The following EPHX3 variants were observed in gnomAD, a reference collection of about 807,000 sequenced individuals.
EPHX3 encodes epoxide hydrolase 3.
Under a neutral mutation model 40.2 loss-of-function variants are expected in EPHX3, and 39 were observed. The observed-to-expected ratio is 0.97, with a 90% confidence interval of 0.75 to 1.27. The LOEUF (loss-of-function observed/expected upper bound fraction) is 1.27, where lower values mean the gene tolerates loss of function less well. Ranked by LOEUF, EPHX3 falls within the 50% of genes most tolerant of loss-of-function variation. The pLI is 0.00. For synonymous variants in EPHX3, 213 were observed against 209.7 expected (o/e 1.02, Z -0.14); for missense variants, 442 against 474.0 (o/e 0.93, Z 0.63).
chr19:15,229,247 G>C (rs1240062039), intron 4 of EPHX3, among the ~76,000 whole-genome samples: 2 of 152,024 alleles, frequency 1.3e-5, no homozygotes, highest in African/African-American at 2.4e-5. Flanking sequence ...GGGCGTGTTG[G>C]GGCATATCTG....
rs768985082 is a variant in EPHX3, at chr19:15,231,347, C to T, written c.379G>A (p.Val127Met). Reference protein sequence around the residue: ...LREFQSRFHVVAVDLRGYGPS... With the variant: ...LREFQSRFHVMAVDLRGYGPS... ...CCATAGCCTCGCAAGTCCACAGCCACAACATGGAAGCGGCTCTGGAACTCC... is the reference window on the plus strand; with the variant it reads ...CCATAGCCTCGCAAGTCCACAGCCATAACATGGAAGCGGCTCTGGAACTCC... Residue 127 changes from valine to methionine, a missense_variant, in exon 3 of 7, where the codon GTG (valine) becomes ATG (methionine). Val to Met is a conservative substitution (Grantham distance 21). Transcript: ENST00000221730. The T allele has an allele frequency of 4.3e-6, 7 of 1,613,800 alleles. No individual in the cohort carries two copies. The African/African-American group carries it at 9.3e-5, about 22-fold the overall frequency.
chr19:15,235,560 A>T (rs548935778), upstream of EPHX3: 68 of 147,096 alleles, frequency 4.6e-4, 2 homozygotes, highest in African/African-American at 1.5e-3. Flanking sequence ...TGCAATGAGA[A>T]CTGCACAAAA....
At position 15,227,600 on chromosome 19, in the gene EPHX3, T is replaced by C; in HGVS notation, c.920A>G (p.Asp307Gly). Residue 307 changes from aspartate to glycine, a missense_variant, in exon 7 of 7, where the codon GAC (aspartate) becomes GGC (glycine). Asp to Gly is a moderately conservative substitution (Grantham distance 94). Coordinates refer to ENST00000221730, the MANE Select transcript of EPHX3 (RefSeq NM_024794.3). ...CACCAGCCCCAGCTCCAAGTAAGTG[T>C]CCTTCTCCCCCCACAGCAGCAATGT... is the stretch of plus-strand genomic sequence containing the variant. ...TPTLLLWGEKDTYLELGLVEA... is the reference protein window; with the variant it reads ...TPTLLLWGEKGTYLELGLVEA... 6.2e-7 allele frequency: 1 copy of C among 1,614,058 alleles called. No individual in the cohort carries two copies. Among genetic ancestry groups the C allele is most frequent in the Non-Finnish European group, 8.5e-7 (1 of 1,180,010 alleles).
chr19:15,230,943 C>T lies in EPHX3; in HGVS notation c.616+19G>A. 2 of 1,612,990 alleles carry T rather than the reference C, an allele frequency of 1.2e-6. No individual in the cohort carries two copies. Among genetic ancestry groups the T allele is most frequent in the Non-Finnish European group, 1.7e-6 (2 of 1,179,348 alleles). ...CTTGCACATAAGTACATCCCAGTGT[C>T]CCGGACTCCCACACACACCTTGGTA... is the stretch of plus-strand genomic sequence containing the variant. On this transcript the variant is annotated intron_variant, in intron 4 of 6. Transcript: ENST00000221730.
intron 4 of EPHX3, 133 bp from the exon 5 acceptor site, chr19:15,228,233 A>G (rs1042946756): frequency 1.4e-6 from 1 of 700,856 alleles, no homozygotes. Context: ...GGGTCTGTGA[A>G]GGTACTAGAT....
intron 4 of EPHX3, among the ~76,000 whole-genome samples, chr19:15,229,438 A>G (rs2145481222): frequency 6.6e-6 from 1 of 151,998 alleles, no homozygotes; most frequent in East Asian, 1.9e-4. Flanking sequence ...CATTTCTACT[A>G]AAAATACAAA....
chr19:15,234,999 T>A (rs902494346), upstream of EPHX3, among the ~76,000 whole-genome samples: 3 of 152,076 alleles, frequency 2.0e-5, no homozygotes, highest in Non-Finnish European at 4.4e-5. Flanking sequence ...TTTGGGGGTT[T>A]TTTTGTTTTT....
At chr19:15,234,357 TTC>T (rs148549404), upstream of EPHX3, among the ~76,000 whole-genome samples, 2,465 of 152,220 alleles carry the variant, frequency 0.016, 66 homozygotes, top group African/African-American at 0.057. Context: ...TTTTAGCTTT[TTC>T]TTTTTTTTTC....
chr19:15,235,582 C>G (rs944760252), upstream of EPHX3: 1 of 149,186 alleles, frequency 6.7e-6, no homozygotes, highest in Non-Finnish European at 1.5e-5. Context: ...AAAAAAAAAA[C>G]CTTTCGTATG....
In EPHX3 at chr19:15,227,101, C is replaced by A. The variant is rs866461767; in HGVS notation, c.*336G>T. On this transcript the variant is annotated 3_prime_UTR_variant, in exon 7 of 7. Coordinates refer to ENST00000221730, the MANE Select transcript of EPHX3 (RefSeq NM_024794.3). ...GGTCTGTGCAGCTATGGCAGAGAAG[C>A]GACTTTGGCAAAGCGCAGAGTGAGG... 1.4e-5 allele frequency: 5 copies of A among 356,134 alleles called. No homozygotes were observed. The Admixed American group carries it at 1.7e-4, about 12-fold the overall frequency. The allele number at this position is 356,134 out of a possible 1,614,324, so 22.1% of individuals were successfully genotyped here. A position where few individuals can be genotyped will look rare whatever the true frequency, so the allele number is the denominator to read the frequency against.
At chr19:15,231,153 G>A in intron 3 of EPHX3, 63 bp from the exon 4 acceptor site, 1 of 1,612,462 alleles carries the variant, frequency 6.2e-7, no homozygotes. Flanking sequence ...AGGGATGGGG[G>A]AAGTAGGTTC....
intron 4 of EPHX3, among the ~76,000 whole-genome samples, chr19:15,229,281 G>A (rs2047135310): frequency 6.6e-6 from 1 of 152,022 alleles, no homozygotes; most frequent in African/African-American, 2.4e-5. Context: ...TCTGGAGGCT[G>A]AGGAAGGAGA....
chr19:15,233,153 C>A (rs1050882620), upstream of EPHX3: 3 of 536 alleles, frequency 5.6e-3, no homozygotes, highest in African/African-American at 0.021. Flanking sequence ...GGGGAGGGGG[C>A]GGTGGGGTGG....
rs754279789 is a variant in EPHX3, at chr19:15,228,021, C to T, written c.696G>A (p.Lys232=). The change falls in exon 5 of 7, where the codon AAG becomes AAA. Residue 232 remains lysine (K), a synonymous_variant. Transcript: ENST00000221730. ...CCTGAAAGTCAGACATAGACAGCAGCTTCTCGGGCAGCCAGGGCAGCTGGA... is the reference window on the plus strand; with the variant it reads ...CCTGAAAGTCAGACATAGACAGCAGTTTCTCGGGCAGCCAGGGCAGCTGGA... ...FLFQLPWLPE[K]LLSMSDFQIL... The T allele has an allele frequency of 1.6e-5, 25 of 1,587,328 alleles. No individual in the cohort carries two copies. Among genetic ancestry groups the T allele is most frequent in the Non-Finnish European group, 2.6e-6 (3 of 1,162,662 alleles).
chr19:15,229,885 C>CAAAAAAAAAAAAAAAAAAAAAAAAAA (rs546876108), intron 4 of EPHX3, among the ~76,000 whole-genome samples: 24 of 9,370 alleles, frequency 2.6e-3, no homozygotes, highest in Non-Finnish European at 3.1e-3. Flanking sequence ...GACTCTGTCT[C>CAAAAAAAAAAAAAAAAAAAAAAAAAA]AAAAAAAAAA....
Position 15,227,426 on chromosome 19 carries a change from A to G in EPHX3, c.*11T>C. On this transcript the variant is annotated 3_prime_UTR_variant, in exon 7 of 7. Coordinates refer to ENST00000221730, the MANE Select transcript of EPHX3 (RefSeq NM_024794.3). ...AGTATCCATGCCTCCTGGGCAGGCC[A>G]GCAAGGACCACTAGTCCAGCAGGTC... The G allele has an allele frequency of 6.2e-7, 1 of 1,611,140 alleles. No homozygotes were observed. The highest frequency in any genetic ancestry group is 8.5e-7 in the Non-Finnish European group (1 of 1,177,482).
rs377692365 is a variant in EPHX3 at position 15,227,724 on chromosome 19, C to G, written c.857+47G>C. On this transcript the variant is annotated intron_variant, in intron 6 of 6. Coordinates refer to ENST00000221730, the MANE Select transcript of EPHX3 (RefSeq NM_024794.3). The stretch of plus-strand genomic sequence containing the variant: ...CAGAAGGATGGTTGCCTCCCACCCC[C>G]CTGCCCCTGCAAATCTCCTGAGCTT... The G allele has an allele frequency of 2.5e-6, 4 of 1,610,324 alleles. No individual in the cohort carries two copies. The Admixed American group carries it at 5.0e-5, about 20-fold the overall frequency.
At chr19:15,230,913 G>GC (rs1429747838) in intron 4 of EPHX3, 49 bp downstream of exon 4, 3 of 1,601,920 alleles carry the variant, frequency 1.9e-6, no homozygotes, top group East Asian at 2.2e-5. Flanking sequence ...ACATGTCCCT[G>GC]CCCCCTTGCA....
upstream of EPHX3, chr19:15,235,592 G>C (rs932261455): frequency 6.6e-6 from 1 of 150,640 alleles, no homozygotes; most frequent in East Asian, 2.0e-4. Context: ...CCTTTCGTAT[G>C]TAAGTGAAAA....
Sources: allele counts gnomAD v4.1 joint callset (sites outside exome capture counted in the v4.1 genomes callset), GRCh38; gene constraint gnomAD v4.1.1; transcripts MANE v1.5; gene names NCBI Gene and HGNC (gene_info 2026-07-23, HGNC 2026-07-21).